The following KRT71 variants were observed in gnomAD, a reference collection of about 807,000 sequenced individuals.
KRT71 encodes the protein keratin 71, also known as keratin, type II cytoskeletal 71.
KRT71 carries 42 observed loss-of-function variants against 46.2 expected under a neutral mutation model. That is an observed-to-expected ratio of 0.91 (90% confidence interval 0.71 to 1.18). KRT71 has a LOEUF of 1.18. Ranked by LOEUF, KRT71 falls within the 50% of genes most tolerant of loss-of-function variation. The pLI is 0.00. For missense variants in KRT71, 708 were observed against 677.9 expected, an observed-to-expected ratio of 1.04 and a Z score of -0.49; for synonymous variants, 292 against 277.8, an observed-to-expected ratio of 1.05 and a Z score of -0.51.
rs567430045 is a variant in KRT71, at chr12:52,550,076, G to T, written c.609C>A (p.Asp203Glu). 1 of 1,614,178 alleles carries T rather than the reference G, an allele frequency of 6.2e-7. No individual in the cohort carries two copies. Among genetic ancestry groups the T allele is most frequent in the South Asian group, 1.1e-5 (1 of 91,084 alleles). ...ETLSGDRVRL[D>E]SELRNVRDVV... The stretch of plus-strand genomic sequence containing the variant: ...CGTCCCGCACATTCCTCAGCTCCGA[G>T]TCCAGCCTCACCCTGTCCCCAGACA... Residue 203 changes from aspartate to glutamate, a missense_variant, in exon 2 of 9, where the codon GAC becomes GAA. Asp to Glu is a conservative substitution (Grantham distance 45). Transcript: ENST00000267119.
Position 52,548,710 on chromosome 12 carries a change from G to A in KRT71, c.804C>T (p.Leu268=). The stretch of plus-strand genomic sequence containing the variant: ...GGGCAGACAGACTTACGGCTTCAAA[G>A]AGACACCTGAAGAACTTGATCTCCT... The part of the protein sequence containing the change: ...MDQEIKFFRC[L]FEAEITQIQS... The change falls in exon 4 of 9, where the codon CTC becomes CTT. Residue 268 remains leucine (L), a synonymous_variant. Transcript: ENST00000267119. 2 of 1,614,062 alleles carry A rather than the reference G, an allele frequency of 1.2e-6. No homozygotes were observed. Among genetic ancestry groups the A allele is most frequent in the Non-Finnish European group, 1.7e-6 (2 of 1,179,878 alleles).
intron 6 of KRT71, 150 bp downstream of exon 6, chr12:52,547,707 T>C: frequency 1.1e-6 from 1 of 946,694 alleles, no homozygotes; most frequent in Non-Finnish European, 1.6e-6. Context: ...CCCAGGGACG[T>C]CCTGCTCCAG....
chr12:52,546,439 C>T lies in KRT71; in HGVS notation c.1172G>A (p.Arg391Gln), dbSNP rs747829008. ...GCCCTCCAGCTCGTCCAGCTTGGCC[C>T]GGGCATCCTTCAGGGCGTTGTCTCC... ...QRGDNALKDA[R>Q]AKLDELEGAL... The change falls in exon 7 of 9, where the codon CGG (arginine) becomes CAG (glutamine). Residue 391 changes from arginine (R) to glutamine (Q), a missense_variant. Arg to Gln is a conservative substitution (Grantham distance 43). Transcript: ENST00000267119. The T allele has an allele frequency of 1.2e-5, 20 of 1,614,076 alleles. No homozygotes were observed. Among genetic ancestry groups the T allele is most frequent in the Admixed American group, 5.0e-5 (3 of 60,014 alleles).
chr12:52,547,809 T>A, intron 6 of KRT71, 48 bp downstream of exon 6: 1 of 1,603,922 alleles, frequency 6.2e-7, no homozygotes, highest in Non-Finnish European at 8.5e-7. Flanking sequence ...TCCCCTCTAC[T>A]CATGCTCCCC....
rs1333054202 is a variant in KRT71, at chr12:52,550,095, C to G, written c.590G>C (p.Gly197Ala). Residue 197 changes from glycine to alanine, a missense_variant, in exon 2 of 9, where the codon GGG becomes GCG. Gly to Ala is a moderately conservative substitution (Grantham distance 60). Coordinates refer to ENST00000267119, the MANE Select transcript of KRT71 (RefSeq NM_033448.3). ...NLRKQLETLS[G>A]DRVRLDSELR... ...CTCCGAGTCCAGCCTCACCCTGTCC[C>G]CAGACAGCGTCTCCAGCTGCTTCCG... The G allele has an allele frequency of 6.2e-7, 1 of 1,614,060 alleles. No homozygotes were observed. Among genetic ancestry groups the G allele is most frequent in the African/African-American group, 1.3e-5 (1 of 74,912 alleles).
rs570161755 is a variant in KRT71, at chr12:52,544,088, A to T, written c.*444T>A. On this transcript the variant is annotated 3_prime_UTR_variant, in exon 9 of 9. Coordinates refer to ENST00000267119, the MANE Select transcript of KRT71 (RefSeq NM_033448.3). Reference sequence around the variant, plus strand: ...TAGATGTGGGGGTGGGGACTGGGCCACTCTTGGTTGTTTGTCCTTCAGTCC... The same window carrying T: ...TAGATGTGGGGGTGGGGACTGGGCCTCTCTTGGTTGTTTGTCCTTCAGTCC... 1 of 186,970 alleles carries T rather than the reference A, an allele frequency of 5.3e-6. No individual in the cohort carries two copies. The highest frequency in any genetic ancestry group is 1.2e-4 in the South Asian group (1 of 8,106). 11.6% of individuals were successfully genotyped at this position (186,970 alleles called of 1,614,324 possible).
In KRT71 at chr12:52,548,686, G is replaced by A. The variant is rs750967438; in HGVS notation, c.813+15C>T. On this transcript the variant is annotated intron_variant, in intron 4 of 8. Coordinates refer to ENST00000267119, the MANE Select transcript of KRT71 (RefSeq NM_033448.3). ...CAGCCTCCCCTAGATGAACCAAGTG[G>A]GCAGACAGACTTACGGCTTCAAAGA... The A allele has an allele frequency of 1.2e-5, 19 of 1,610,394 alleles. No homozygotes were observed. The highest frequency in any genetic ancestry group is 1.7e-4 in the Middle Eastern group (1 of 6,060).
In KRT71 at chr12:52,548,666, TC is replaced by T. The variant is rs1939103100; in HGVS notation, c.813+34del. 3 of 1,579,754 alleles carry T rather than the reference TC, an allele frequency of 1.9e-6. No individual in the cohort carries two copies. The East Asian group carries it at 6.7e-5, about 35-fold the overall frequency. On this transcript the variant is annotated intron_variant, in intron 4 of 8. Transcript: ENST00000267119. ...TAGAATAGAGTTTAACCCACCAGCC[TC>T]CCCTAGATGAACCAAGTGGGCAGAC...
In KRT71 at chr12:52,544,168, C is replaced by G; in HGVS notation, c.*364G>C. ...GGCATAGGCAGGAACTATGCTAGGT[C>G]CCAGTGTGTGCGGGGCCTTGGGCAG... is the stretch of plus-strand genomic sequence containing the variant. On this transcript the variant is annotated 3_prime_UTR_variant, in exon 9 of 9. Coordinates refer to ENST00000267119, the MANE Select transcript of KRT71 (RefSeq NM_033448.3). 1 of 298,192 alleles carries G rather than the reference C, an allele frequency of 3.4e-6. No homozygotes were observed. Among genetic ancestry groups the G allele is most frequent in the Non-Finnish European group, 6.5e-6 (1 of 154,588 alleles). The allele number at this position is 298,192 out of a possible 1,614,324, so 18.5% of individuals were successfully genotyped here.
At position 52,552,814 on chromosome 12, in the gene KRT71, G is replaced by C. The variant is rs777937763; in HGVS notation, c.264C>G (p.Ala88=). 2.5e-6 allele frequency: 4 copies of C among 1,614,216 alleles called. No homozygotes were observed. The South Asian group carries it at 4.4e-5, about 18-fold the overall frequency. ...GFAGSMFGSV[A]LGPVCPTVCP... ...ATACAGTTGGGCACACAGGCCCCAG[G>C]GCCACACTGCCAAACATGCTTCCAG... The change falls in exon 1 of 9, where the codon GCC becomes GCG. Residue 88 remains alanine (A), a synonymous_variant. Transcript: ENST00000267119.
rs1191080179 is a variant in KRT71 at position 52,552,916 on chromosome 12, G to T, written c.162C>A (p.Val54=). 2 of 1,614,140 alleles carry T rather than the reference G, an allele frequency of 1.2e-6. No individual in the cohort carries two copies. Among genetic ancestry groups the T allele is most frequent in the Admixed American group, 3.3e-5 (2 of 60,032 alleles). The change falls in exon 1 of 9, where the codon GTC becomes GTA. Residue 54 remains valine (V), a synonymous_variant. Transcript: ENST00000267119. ...TGCCACTGGCCACATTGAGGCTCCG[G>T]ACACCCCCCAGGCTGTAGAGGCTCC... ...GSRSLYSLGG[V]RSLNVASGSG...
In KRT71 at chr12:52,544,634, C is replaced by T. The variant is rs765559888; in HGVS notation, c.1470G>A (p.Val490=). The T allele has an allele frequency of 9.2e-5, 149 of 1,613,996 alleles. No homozygotes were observed. The highest frequency in any genetic ancestry group is 1.2e-4 in the Non-Finnish European group (143 of 1,180,034). ...SSNCISGVCS[V]RGGEGRSRGS... is the part of the protein sequence containing the mutation. ...CCCGGCTCCTGCCCTCCCCGCCTCTCACGCTGCACACTCCAGAGATGCAGT... is the reference window on the plus strand; with the variant it reads ...CCCGGCTCCTGCCCTCCCCGCCTCTTACGCTGCACACTCCAGAGATGCAGT... The change falls in exon 9 of 9, where the codon GTG becomes GTA. Residue 490 remains valine (V), a synonymous_variant. Coordinates refer to ENST00000267119, the MANE Select transcript of KRT71 (RefSeq NM_033448.3).
chr12:52,546,277 C>A lies in KRT71; in HGVS notation c.1325+9G>T. 6.2e-7 allele frequency: 1 copy of A among 1,613,828 alleles called. No homozygotes were observed. On this transcript the variant is annotated intron_variant, in intron 7 of 8. Coordinates refer to ENST00000267119, the MANE Select transcript of KRT71 (RefSeq NM_033448.3). ...CTGGGGCCCTCCTGTCTGGGCACGC[C>A]CCGCCCACCTGCACTCCTCGCTCTC...
chr12:52,548,618 G>C (rs1592204999), intron 4 of KRT71, 83 bp downstream of exon 4: 2 of 1,226,606 alleles, frequency 1.6e-6, no homozygotes, highest in South Asian at 2.5e-5. Flanking sequence ...GAGGGCTGGG[G>C]CCTCCATGTC....
In KRT71 at chr12:52,547,992, C is replaced by A; in HGVS notation, c.979-10G>T. Reference sequence around the variant, plus strand: ...GCTGAAGCTCTTGGAACTGGGGACCCCAAAGCACAGAGTCATGAGTGTGTC... The same window carrying A: ...GCTGAAGCTCTTGGAACTGGGGACCACAAAGCACAGAGTCATGAGTGTGTC... On this transcript the variant is annotated splice_polypyrimidine_tract_variant and intron_variant, in intron 5 of 8. Transcript: ENST00000267119. The A allele has an allele frequency of 1.3e-6, 2 of 1,585,170 alleles. No homozygotes were observed. Among genetic ancestry groups the A allele is most frequent in the Non-Finnish European group, 1.7e-6 (2 of 1,161,694 alleles).
intron 1 of KRT71, among the ~76,000 whole-genome samples, chr12:52,551,319 A>G (rs1939164136): frequency 6.6e-6 from 1 of 152,158 alleles, no homozygotes; most frequent in Non-Finnish European, 1.5e-5. Flanking sequence ...GACCATCTTT[A>G]TAAACAGGAT....
Position 52,546,870 on chromosome 12 carries a change from G to A in KRT71, c.1105-364C>T, listed in dbSNP as rs767589030. Among the ~76,000 whole-genome samples, 10 of 152,346 alleles carry A rather than the reference G, an allele frequency of 6.6e-5. No individual in the cohort carries two copies. In the East Asian group the frequency reaches 1.4e-3, roughly 21 times the overall value. On this transcript the variant is annotated intron_variant, in intron 6 of 8. Coordinates refer to ENST00000267119, the MANE Select transcript of KRT71 (RefSeq NM_033448.3). ...GATGGTCGAATATGCTGTGGCAGAC[G>A]CAAAGGCAGCAGCTGCCCAGGAACA...
chr12:52,549,417 G>T, intron 2 of KRT71, 64 bp from the exon 3 acceptor site: 1 of 1,357,348 alleles, frequency 7.4e-7, no homozygotes, highest in Non-Finnish European at 1.1e-6. Flanking sequence ...TCACAGGGCA[G>T]CGTTGAGCAA....
At chr12:52,545,444 C>T in intron 8 of KRT71, 121 bp downstream of exon 8, 2 of 604,448 alleles carry the variant, frequency 3.3e-6, no homozygotes, top group Non-Finnish European at 5.7e-6. Flanking sequence ...GCTTTGTGAT[C>T]TCAGGCAAAG....
Sources: gnomAD v4.1 joint callset for allele counts (sites outside exome capture counted in the v4.1 genomes callset) on GRCh38, gnomAD v4.1.1 for gene constraint, MANE v1.5 for transcripts, NCBI Gene and HGNC (gene_info 2026-07-23, HGNC 2026-07-21) for gene names.